SBNO2: variants seen among roughly 807,000 people sequenced by gnomAD.
SBNO2 encodes the protein protein strawberry notch homolog 2.
Under a neutral mutation model 146.3 loss-of-function variants are expected in SBNO2, and 89 were observed. That is an observed-to-expected ratio of 0.61 (90% CI 0.51 to 0.73). The LOEUF (loss-of-function observed/expected upper bound fraction) is 0.73. Among genes scored for constraint, SBNO2 ranks in the 30% least tolerant of loss-of-function variants. The pLI is 0.00. For synonymous variants in SBNO2, 1,147 were observed against 892.6 expected (o/e 1.29, Z -5.08); for missense variants, 2,092 against 2,003.7 (o/e 1.04, Z -0.84).
In SBNO2 at chr19:1,116,112, G is replaced by C; in HGVS notation, c.1803-9C>G. 6.2e-7 allele frequency: 1 copy of C among 1,602,870 alleles called. No individual in the cohort carries two copies. Among genetic ancestry groups the C allele is most frequent in the Non-Finnish European group, 8.5e-7 (1 of 1,174,882 alleles). On this transcript the variant is annotated splice_polypyrimidine_tract_variant and intron_variant, in intron 16 of 31. Coordinates refer to ENST00000361757, the MANE Select transcript of SBNO2 (RefSeq NM_014963.3). Reference sequence around the variant, plus strand: ...GCGACAGGAACACGCCTCTGAAAGTGAGACGCGGAGTTTATTCTCACACGA... The same window carrying C: ...GCGACAGGAACACGCCTCTGAAAGTCAGACGCGGAGTTTATTCTCACACGA...
At chr19:1,119,881 T>G in intron 12 of SBNO2, 25 bp downstream of exon 12, 6 of 1,502,280 alleles carry the variant, frequency 4.0e-6, no homozygotes, top group Non-Finnish European at 4.5e-6. Flanking sequence ...TGCGGGTGGG[T>G]CACGTGGGAT....
chr19:1,132,264 A>C (rs1054043507), intron 4 of SBNO2: 24 of 1,314,768 alleles, frequency 1.8e-5, no homozygotes, highest in Non-Finnish European at 2.3e-5. Flanking sequence ...GCCCGGCTGC[A>C]TTTGCATGTC....
rs1330823543 is a variant in SBNO2 at position 1,108,677 on chromosome 19, C to A, written c.3644G>T (p.Arg1215Leu). 2 of 1,532,736 alleles carry A rather than the reference C, an allele frequency of 1.3e-6. No individual in the cohort carries two copies. The highest frequency in any genetic ancestry group is 2.4e-5 in the South Asian group (2 of 83,796). 94.9% of individuals were successfully genotyped at this position (1,532,736 alleles called of 1,614,324 possible). ...VGIKIPEGCV[R>L]RVLQELRLMD... ...CAGCCGCAGCTCCTGCAGCACCCGG[C>A]GCACGCAGCCCTCGGGGATCTTGAT... is the stretch of plus-strand genomic sequence containing the variant. The change falls in exon 32 of 32, where the codon CGC (arginine) becomes CTC (leucine). Residue 1215 changes from arginine (R) to leucine (L), a missense_variant. Physicochemically the swap from Arg to Leu is moderately radical, Grantham distance 102. Coordinates refer to ENST00000361757, the MANE Select transcript of SBNO2 (RefSeq NM_014963.3).
chr19:1,173,234 G>A lies in SBNO2; in HGVS notation c.-127+938C>T, dbSNP rs1194030252. Among the ~76,000 whole-genome samples the A allele has an allele frequency of 2.6e-5, 4 of 152,088 alleles. No homozygotes were observed. The highest frequency in any genetic ancestry group is 3.9e-4 in the East Asian group (2 of 5,158). On this transcript the variant is annotated intron_variant, in intron 1 of 31. Transcript: ENST00000361757. This position sits in a 1 kb window ranked among gnomAD's most constrained non-coding sequence, Gnocchi z 4.7. ...CCCTACGGGGGACAGGACCCACCAG[G>A]AGGCCTGCGCTTCCCCTTCACCGAC...
intron 4 of SBNO2, 69 bp from the exon 5 acceptor site, chr19:1,127,834 A>G (rs988464632): frequency 6.8e-7 from 1 of 1,479,490 alleles, no homozygotes; most frequent in Admixed American, 1.7e-5. Flanking sequence ...GCACTGGAGC[A>G]CGTGGGGATG....
intron 2 of SBNO2, among the ~76,000 whole-genome samples, chr19:1,151,968 TTTTTA>T (rs1302613932): frequency 6.6e-6 from 1 of 152,106 alleles, no homozygotes; most frequent in Admixed American, 6.6e-5. Context: ...GGCCGGTGTA[TTTTTA>T]TTTCTAATTG....
chr19:1,122,295 A>C lies in SBNO2; in HGVS notation c.1006-13T>G. The C allele has an allele frequency of 6.5e-7, 1 of 1,549,304 alleles. No individual in the cohort carries two copies. Among genetic ancestry groups the C allele is most frequent in the Non-Finnish European group, 8.7e-7 (1 of 1,144,708 alleles). ...CACCGTACTTGATCTGGGGATGCAC[A>C]GAACAGGTGTGGAATGGGGCCCCGG... On this transcript the variant is annotated splice_polypyrimidine_tract_variant and intron_variant, in intron 10 of 31. Transcript: ENST00000361757.
rs1299960442 is a variant in SBNO2 at position 1,158,279 on chromosome 19, G to A, written c.-126-3877C>T. Among the ~76,000 whole-genome samples, 1 of 151,972 alleles carries A rather than the reference G, an allele frequency of 6.6e-6. No homozygotes were observed. Among genetic ancestry groups the A allele is most frequent in the East Asian group, 1.9e-4 (1 of 5,180 alleles). Reference sequence around the variant, plus strand: ...CAGACCCGAGCCGTCTGCAGATGGGGAGCTGTGTCCTCGGAGCCCGGTTCT... The same window carrying A: ...CAGACCCGAGCCGTCTGCAGATGGGAAGCTGTGTCCTCGGAGCCCGGTTCT... On this transcript the variant is annotated intron_variant, in intron 1 of 31. Transcript: ENST00000361757. This position sits in a 1 kb window ranked among gnomAD's most constrained non-coding sequence, Gnocchi z 9.9.
chr19:1,151,617 G>A (rs2080243242), intron 2 of SBNO2, among the ~76,000 whole-genome samples: 1 of 152,190 alleles, frequency 6.6e-6, no homozygotes, highest in Admixed American at 6.5e-5. Context: ...GTCCAGAGAT[G>A]GGCACCTGAC....
At position 1,114,264 on chromosome 19, in the gene SBNO2, C is replaced by T. The variant is rs1284763689; in HGVS notation, c.2044G>A (p.Val682Ile). 1.3e-5 allele frequency: 20 copies of T among 1,542,508 alleles called. No homozygotes were observed. Among genetic ancestry groups the T allele is most frequent in the African/African-American group, 2.8e-5 (2 of 72,510 alleles). ...TCACTGGGGAGCCCGACTGCATCAA[C>T]GATGACAACGTCGTCATCCACCAGG... The part of the protein sequence containing the change: ...ESLVDDDVVI[V>I]DAVGLPSDDR... The change falls in exon 18 of 32, where the codon GTT (valine) becomes ATT (isoleucine). Residue 682 changes from valine (V) to isoleucine (I), a missense_variant. Val to Ile is a conservative substitution (Grantham distance 29). Transcript: ENST00000361757.
At chr19:1,159,028 T>C (rs1224345590) in intron 1 of SBNO2, among the ~76,000 whole-genome samples, 4 of 138,620 alleles carry the variant, frequency 2.9e-5, no homozygotes, top group African/African-American at 1.2e-4. Context: ...CCTGCAGCCA[T>C]GACCCCACCT....
chr19:1,161,087 T>C (rs1027978217), intron 1 of SBNO2, among the ~76,000 whole-genome samples: 7 of 83,812 alleles, frequency 8.4e-5, no homozygotes, highest in Admixed American at 2.5e-4. Flanking sequence ...GCCTGAGCAC[T>C]GGAGGCTGGA....
Position 1,109,219 on chromosome 19 carries a change from C to T in SBNO2, c.3349-8G>A, listed in dbSNP as rs1164634647. The T allele has an allele frequency of 1.9e-6, 3 of 1,569,252 alleles. No homozygotes were observed. Among genetic ancestry groups the T allele is most frequent in the Non-Finnish European group, 2.6e-6 (3 of 1,158,032 alleles). ...GGCCTCCTCCGCGGTGACCTAGGGA[C>T]ACAGGGCCGCATGAGCCTGGGCGGG... is the stretch of plus-strand genomic sequence containing the variant. On this transcript the variant is annotated splice_region_variant and splice_polypyrimidine_tract_variant and intron_variant, in intron 29 of 31. Transcript: ENST00000361757. The surrounding 1 kb of genome is among the most constrained non-coding windows in gnomAD (Gnocchi z 4.2).
chr19:1,113,153 C>CAGCT (rs1378723687), intron 19 of SBNO2, among the ~76,000 whole-genome samples: 6 of 152,128 alleles, frequency 3.9e-5, no homozygotes, highest in Non-Finnish European at 7.4e-5. Flanking sequence ...ATCAGCCAGC[C>CAGCT]GGCGCCACGA....
At chr19:1,170,386 C>T (rs1449727493) in intron 1 of SBNO2, among the ~76,000 whole-genome samples, 2 of 152,082 alleles carry the variant, frequency 1.3e-5, no homozygotes, top group East Asian at 1.9e-4. Context: ...GCCAACCTCC[C>T]GGGGGTTGGG....
chr19:1,120,777 T>G (rs2079892028), intron 11 of SBNO2, among the ~76,000 whole-genome samples: 1 of 152,168 alleles, frequency 6.6e-6, no homozygotes, highest in Non-Finnish European at 1.5e-5. Flanking sequence ...CAAGCGATTC[T>G]CCTGCCTCAG....
chr19:1,153,089 G>A (rs2145312596), intron 2 of SBNO2, among the ~76,000 whole-genome samples: 1 of 151,916 alleles, frequency 6.6e-6, no homozygotes, highest in Admixed American at 6.6e-5. Flanking sequence ...GGAGGCAGAG[G>A]CTGCAGTGAG....
In SBNO2 at chr19:1,117,494, G is replaced by A. The variant is rs562410936; in HGVS notation, c.1533C>T (p.Ala511=). ...CVYNRAALLW[A]EALNVFQQAA... ...CCTGCTGGAACACGTTCAGGGCCTC[G>A]GCCCACTGCAATGACACGTCACAAG... The change falls in exon 15 of 32, where the codon GCC becomes GCT. Residue 511 remains alanine (A), a synonymous_variant. Coordinates refer to ENST00000361757, the MANE Select transcript of SBNO2 (RefSeq NM_014963.3). The A allele has an allele frequency of 4.6e-5, 73 of 1,577,518 alleles. No homozygotes were observed. In the South Asian group the frequency reaches 7.1e-4, roughly 15 times the overall value.
In SBNO2 at chr19:1,144,339, G is replaced by A. The variant is rs2080166470; in HGVS notation, c.279+2970C>T. On this transcript the variant is annotated intron_variant, in intron 4 of 31. Transcript: ENST00000361757. The surrounding 1 kb of genome is among the most constrained non-coding windows in gnomAD (Gnocchi z 4.1). ...AATGAAGTTCTGCTGCTTTAACAGG[G>A]AGATTTGGGTCCAAGCTGCCCCACA... Among the ~76,000 whole-genome samples the A allele has an allele frequency of 6.6e-6, 1 of 152,174 alleles. No individual in the cohort carries two copies. Among genetic ancestry groups the A allele is most frequent in the African/African-American group, 2.4e-5 (1 of 41,440 alleles).
Sources: gnomAD v4.1 joint callset for allele counts (sites outside exome capture counted in the v4.1 genomes callset) on GRCh38, gnomAD v4.1.1 for gene constraint, Gnocchi (gnomAD v3.1) non-coding constraint, MANE v1.5 for transcripts, NCBI Gene and HGNC (gene_info 2026-07-23, HGNC 2026-07-21) for gene names.